CARMIL1: variants seen among roughly 807,000 people sequenced by gnomAD.
CARMIL1 encodes the protein capping protein regulator and myosin 1 linker 1, also known as F-actin-uncapping protein LRRC16A.
A neutral mutation model predicts 177.1 loss-of-function variants in CARMIL1; 90 were observed. The ratio of observed to expected loss-of-function variants is 0.51; its 90% CI spans 0.43 to 0.61. The LOEUF (loss-of-function observed/expected upper bound fraction) is 0.61, where lower values mean the gene tolerates loss of function less well. CARMIL1 is among the 20% of genes least tolerant of loss of function. The pLI is 0.00. For missense variants in CARMIL1, 1,380 were observed against 1,667.0 expected, an observed-to-expected ratio of 0.83 and a Z score of 3.00; for synonymous variants, 577 against 606.2, an observed-to-expected ratio of 0.95 and a Z score of 0.71.
chr6:25,419,092 G>A (rs2150685651), intron 2 of CARMIL1, among the ~76,000 whole-genome samples: 1 of 152,294 alleles, frequency 6.6e-6, no homozygotes, highest in Middle Eastern at 3.4e-3. Context: ...AGCCGTTCAA[G>A]CCCGGGGTTG....
intron 32 of CARMIL1, among the ~76,000 whole-genome samples, chr6:25,594,834 G>A (rs557401441): frequency 5.9e-5 from 9 of 152,218 alleles, no homozygotes; most frequent in South Asian, 2.1e-4. Flanking sequence ...CCTATTGTAC[G>A]AATCTAAACC....
intron 8 of CARMIL1, among the ~76,000 whole-genome samples, chr6:25,459,702 G>T (rs1162358539): frequency 6.6e-6 from 1 of 152,186 alleles, no homozygotes; most frequent in East Asian, 1.9e-4. Context: ...AAATGATTGT[G>T]CCACGTGGCT....
chr6:25,483,507 A>T (rs1171744320), intron 12 of CARMIL1, among the ~76,000 whole-genome samples: 1 of 151,372 alleles, frequency 6.6e-6, no homozygotes, highest in Non-Finnish European at 1.5e-5. Flanking sequence ...TGCTACCATC[A>T]CCCCCACCAG....
intron 2 of CARMIL1, among the ~76,000 whole-genome samples, chr6:25,390,318 A>ATG (rs1271192027): frequency 2.3e-5 from 1 of 43,690 alleles, no homozygotes; most frequent in Admixed American, 2.7e-4. Flanking sequence ...ATATATATAT[A>ATG]TATTTTTTTT....
At chr6:25,590,862 T>C (rs1814228116) in intron 31 of CARMIL1, among the ~76,000 whole-genome samples, 1 of 152,178 alleles carries the variant, frequency 6.6e-6, no homozygotes, top group Non-Finnish European at 1.5e-5. Context: ...TTTTAATGCC[T>C]GTTCTCTTAA....
chr6:25,451,986 G>GGGGGGGGGGGGGGGCCCCC, intron 8 of CARMIL1: 1 of 112,672 alleles, frequency 8.9e-6, no homozygotes, highest in Non-Finnish European at 1.7e-5. Context: ...CTAGCATCTT[G>GGGGGGGGGGGGGGGCCCCC]CCCCCCCCTC....
intron 21 of CARMIL1, among the ~76,000 whole-genome samples, chr6:25,516,704 G>A (rs1806039060): frequency 1.3e-5 from 2 of 152,154 alleles, no homozygotes; most frequent in Admixed American, 6.5e-5. Flanking sequence ...TACCCCTGAA[G>A]TATACACATT....
At chr6:25,452,543 T>A (rs758701284) in intron 8 of CARMIL1, 5 of 210,008 alleles carry the variant, frequency 2.4e-5, no homozygotes, top group Admixed American at 5.6e-5. Flanking sequence ...AACTAAAATT[T>A]GAAATATTTA....
rs1209270388 is a variant in CARMIL1, at chr6:25,620,161, A to T, written c.*578A>T. 1.3e-5 allele frequency: 2 copies of T among 152,648 alleles called. No homozygotes were observed. Among genetic ancestry groups the T allele is most frequent in the Admixed American group, 6.5e-5 (1 of 15,280 alleles). 9.5% of individuals were successfully genotyped at this position (152,648 alleles called of 1,614,324 possible). On this transcript the variant is annotated 3_prime_UTR_variant, in exon 37 of 37. Coordinates refer to ENST00000329474, the MANE Select transcript of CARMIL1 (RefSeq NM_017640.6). ...TTGGGTATGGTTTTTACCTTCTCCC[A>T]TGGGGAACTTCTTCCTTCCTGATGT...
chr6:25,459,602 A>G (rs1029591293), intron 8 of CARMIL1, among the ~76,000 whole-genome samples: 2 of 152,004 alleles, frequency 1.3e-5, no homozygotes, highest in Non-Finnish European at 2.9e-5. Context: ...ACTAATAACA[A>G]AACCAAAAAA....
intron 23 of CARMIL1, 91 bp downstream of exon 23, chr6:25,520,428 C>A: frequency 1.3e-6 from 1 of 745,376 alleles, no homozygotes; most frequent in Non-Finnish European, 2.1e-6. Flanking sequence ...TGTTATTTTA[C>A]GAAGTTTTTT....
intron 14 of CARMIL1, 67 bp from the exon 15 acceptor site, chr6:25,491,881 C>A: frequency 6.5e-7 from 1 of 1,533,570 alleles, no homozygotes. Context: ...ATGTAGGGGA[C>A]CTCTAATAAA....
At chr6:25,592,376 A>G (rs1052756078) in intron 31 of CARMIL1, among the ~76,000 whole-genome samples, 14 of 152,364 alleles carry the variant, frequency 9.2e-5, no homozygotes, top group Middle Eastern at 3.4e-3. Flanking sequence ...AAAGGGAAAA[A>G]TAATATAATA....
intron 2 of CARMIL1, among the ~76,000 whole-genome samples, chr6:25,357,180 G>A (rs1321920718): frequency 6.6e-6 from 1 of 151,152 alleles, no homozygotes; most frequent in Non-Finnish European, 1.5e-5. Context: ...TAATTAATTA[G>A]ATAACTGGAA....
chr6:25,483,609 C>T (rs1458373836), intron 12 of CARMIL1, among the ~76,000 whole-genome samples: 4 of 142,514 alleles, frequency 2.8e-5, no homozygotes, highest in African/African-American at 1.1e-4. Flanking sequence ...CTGGAGCAAC[C>T]TTAGTGTCCT....
intron 36 of CARMIL1, 104 bp from the exon 37 acceptor site, chr6:25,619,343 T>G: frequency 3.5e-6 from 4 of 1,159,118 alleles, no homozygotes; most frequent in Non-Finnish European, 4.8e-6. Context: ...CCTGGCCCCC[T>G]CCCCTCCCCC....
At chr6:25,517,038 G>A (rs1269873219) in intron 21 of CARMIL1, among the ~76,000 whole-genome samples, 3 of 152,204 alleles carry the variant, frequency 2.0e-5, no homozygotes, top group African/African-American at 4.8e-5. Context: ...GAGAATATCA[G>A]AGAAATATCA....
intron 2 of CARMIL1, among the ~76,000 whole-genome samples, chr6:25,332,764 C>CACACACACACACACACAT (rs1561995533): frequency 6.8e-6 from 1 of 145,996 alleles, no homozygotes; most frequent in African/African-American, 2.6e-5. Context: ...CACACACACA[C>CACACACACACACACACAT]ACACACACGC....
At chr6:25,584,026 CTTTTTT>C (rs71544648) in intron 31 of CARMIL1, among the ~76,000 whole-genome samples, 2 of 119,136 alleles carry the variant, frequency 1.7e-5, no homozygotes, top group African/African-American at 6.4e-5. Context: ...TTTTCTTTTT[CTTTTTT>C]TTTTTTTTTT....
Sources: allele counts gnomAD v4.1 joint callset (sites outside exome capture counted in the v4.1 genomes callset), GRCh38; gene constraint gnomAD v4.1.1; transcripts MANE v1.5; gene names NCBI Gene and HGNC (gene_info 2026-07-23, HGNC 2026-07-21).